ATP9B: variants seen among roughly 807,000 people sequenced by gnomAD.
The protein encoded by ATP9B is probable phospholipid-transporting ATPase IIB.
ATP9B carries 110 observed loss-of-function variants against 146.1 expected under a neutral mutation model. The observed-to-expected ratio is 0.75, with a 90% CI of 0.65 to 0.88. The LOEUF (loss-of-function observed/expected upper bound fraction) is 0.88. Among genes scored for constraint, ATP9B ranks in the 40% least tolerant of loss-of-function variants. The pLI, the probability that ATP9B is intolerant of heterozygous loss-of-function variation, is 0.00. For missense variants in ATP9B, 1,499 were observed against 1,496.4 expected (o/e 1.00, Z -0.03); for synonymous variants, 604 against 569.7 (o/e 1.06, Z -0.86).
intron 12 of ATP9B, chr18:79,254,734 C>T (rs1444089423): frequency 6.6e-6 from 1 of 152,562 alleles, no homozygotes; most frequent in African/African-American, 2.4e-5. Flanking sequence ...CACACTGCAG[C>T]TATCCCCATG....
intron 19 of ATP9B, chr18:79,340,234 T>G (rs1164025412): frequency 6.6e-6 from 1 of 152,242 alleles, no homozygotes; most frequent in Non-Finnish European, 1.5e-5. Flanking sequence ...AAAATTTGGA[T>G]CTTTACATCA....
intron 9 of ATP9B, among the ~76,000 whole-genome samples, chr18:79,196,586 G>C (rs1177202773): frequency 3.9e-5 from 6 of 152,184 alleles, no homozygotes; most frequent in Non-Finnish European, 7.3e-5. Context: ...ATGAAGGCAG[G>C]CTACTGGGAC....
At chr18:79,193,344 C>A in intron 9 of ATP9B, 81 bp downstream of exon 9, 1 of 1,172,796 alleles carries the variant, frequency 8.5e-7, no homozygotes, top group Non-Finnish European at 1.3e-6. Context: ...GTAATTCAAT[C>A]AAGAATAAAT....
intron 10 of ATP9B, among the ~76,000 whole-genome samples, chr18:79,210,710 C>T (rs2095576643): frequency 6.6e-6 from 1 of 152,204 alleles, no homozygotes; most frequent in Non-Finnish European, 1.5e-5. Flanking sequence ...GAGCAGTGCA[C>T]ACTGGGGTTC....
chr18:79,336,311 C>T (rs907784202), intron 17 of ATP9B, among the ~76,000 whole-genome samples: 3 of 152,224 alleles, frequency 2.0e-5, no homozygotes, highest in African/African-American at 7.2e-5. Context: ...TTTTGAAAAG[C>T]CCGTGCTGTG....
At chr18:79,364,696 G>GA (rs986766822) in intron 26 of ATP9B, among the ~76,000 whole-genome samples, 3 of 152,038 alleles carry the variant, frequency 2.0e-5, no homozygotes, top group Non-Finnish European at 2.9e-5. Context: ...ATCCTTAAAG[G>GA]AAAAAAATAA....
At chr18:79,260,057 G>A (rs1166633366) in intron 12 of ATP9B, among the ~76,000 whole-genome samples, 1 of 152,108 alleles carries the variant, frequency 6.6e-6, no homozygotes, top group Non-Finnish European at 1.5e-5. Context: ...TCCAGGTGGC[G>A]TTTTGCTCTT....
chr18:79,167,431 AG>A (rs1013665036), intron 7 of ATP9B, among the ~76,000 whole-genome samples: 1 of 151,968 alleles, frequency 6.6e-6, no homozygotes, highest in Non-Finnish European at 1.5e-5. Context: ...GACCCGGAGT[AG>A]GTAGCTCCTA....
chr18:79,360,833 T>TACTATA (rs1276163890), intron 26 of ATP9B: 10 of 152,330 alleles, frequency 6.6e-5, no homozygotes, highest in Admixed American at 5.9e-4. Context: ...AGGTCACACC[T>TACTATA]ACTATAACTA....
chr18:79,200,726 G>A (rs2095467380), intron 9 of ATP9B, among the ~76,000 whole-genome samples: 2 of 151,882 alleles, frequency 1.3e-5, no homozygotes, highest in Non-Finnish European at 2.9e-5. Flanking sequence ...GTGGAGGTGG[G>A]GACTGTCGGG....
At chr18:79,135,370 C>T (rs2094435323) in intron 5 of ATP9B, among the ~76,000 whole-genome samples, 1 of 152,170 alleles carries the variant, frequency 6.6e-6, no homozygotes, top group Non-Finnish European at 1.5e-5. Context: ...TTCTGTTTTT[C>T]CCTTCATAAC....
At chr18:79,112,955 A>G (rs1010343598) in intron 3 of ATP9B, among the ~76,000 whole-genome samples, 10 of 152,190 alleles carry the variant, frequency 6.6e-5, no homozygotes, top group African/African-American at 2.4e-4. Context: ...AAAATTTCAT[A>G]TAAGAAAAAT....
intron 29 of ATP9B, 62 bp from the exon 30 acceptor site, chr18:79,377,185 G>C (rs2097107632): frequency 6.3e-7 from 1 of 1,593,676 alleles, no homozygotes; most frequent in Admixed American, 1.7e-5. Context: ...CTGTGGCTGT[G>C]GCCATGAGGG....
intron 2 of ATP9B, among the ~76,000 whole-genome samples, chr18:79,097,047 A>G (rs1244695161): frequency 2.0e-5 from 3 of 151,894 alleles, no homozygotes; most frequent in Non-Finnish European, 4.4e-5. Flanking sequence ...AATCCCAGCT[A>G]CTAGGGAGGC....
rs1197809450 is a variant in ATP9B, at chr18:79,126,366, A to G, written c.658A>G (p.Thr220Ala). Reference protein sequence around the residue: ...EVNSQLYSKLTVRGKVQVKSS... With the variant: ...EVNSQLYSKLAVRGKVQVKSS... ...GAATTCACAACTATATAGCAAGCTT[A>G]CAGTAAGAGGTCAGCAAGATGCTTT... The change falls in exon 5 of 30, where the codon ACA becomes GCA. Residue 220 changes from threonine to alanine, a missense_variant. Thr to Ala is a moderately conservative substitution (Grantham distance 58). Coordinates refer to ENST00000426216, the MANE Select transcript of ATP9B (RefSeq NM_198531.5). 3 of 1,609,232 alleles carry G rather than the reference A, an allele frequency of 1.9e-6. No individual in the cohort carries two copies. The African/African-American group carries it at 4.0e-5, about 21-fold the overall frequency.
At chr18:79,310,183 G>A (rs2096644863) in intron 15 of ATP9B, among the ~76,000 whole-genome samples, 1 of 152,194 alleles carries the variant, frequency 6.6e-6, no homozygotes, top group Non-Finnish European at 1.5e-5. Flanking sequence ...AGTCCTTGCT[G>A]TGGAAGGGTG....
At chr18:79,154,623 T>C in intron 7 of ATP9B, 68 bp downstream of exon 7, 1 of 1,072,210 alleles carries the variant, frequency 9.3e-7, no homozygotes, top group Non-Finnish European at 1.3e-6. Flanking sequence ...CAAATATCTA[T>C]ACAAGGAAAA....
intron 20 of ATP9B, 48 bp downstream of exon 20, chr18:79,342,414 A>G: frequency 1.5e-6 from 2 of 1,302,516 alleles, no homozygotes; most frequent in Non-Finnish European, 2.2e-6. Flanking sequence ...TTTGTCTCAC[A>G]CAAACGAAGC....
chr18:79,134,946 AT>A (rs1433698330), intron 5 of ATP9B, among the ~76,000 whole-genome samples: 1 of 152,152 alleles, frequency 6.6e-6, no homozygotes, highest in African/African-American at 2.4e-5. Context: ...CTGGATTTTC[AT>A]TTTTTGTAGT....
Sources: gnomAD v4.1 joint callset for allele counts (sites outside exome capture counted in the v4.1 genomes callset) on GRCh38, gnomAD v4.1.1 for gene constraint, MANE v1.5 for transcripts, NCBI Gene and HGNC (gene_info 2026-07-23, HGNC 2026-07-21) for gene names.